Variants in ATP2B1 observed in about 807,000 individuals in gnomAD.
ATP2B1 encodes the protein plasma membrane calcium-transporting ATPase 1.
In ATP2B1, 14 loss-of-function variants were observed where a neutral mutation model predicts 124.2. The observed-to-expected ratio is 0.11, with a 90% CI of 0.07 to 0.18. ATP2B1 has a LOEUF of 0.18. Ranked by LOEUF, ATP2B1 falls within the 10% of genes least tolerant of loss-of-function variation. ATP2B1 has a pLI of 1.00. For synonymous variants in ATP2B1, 449 were observed against 492.4 expected, an observed-to-expected ratio of 0.91 and a Z score of 1.17; for missense variants, 763 against 1,466.1, an observed-to-expected ratio of 0.52 and a Z score of 7.83.
At chr12:89,614,168 A>T (rs1878541189) in intron 12 of ATP2B1, among the ~76,000 whole-genome samples, 1 of 152,220 alleles carries the variant, frequency 6.6e-6, no homozygotes, top group African/African-American at 2.4e-5. Flanking sequence ...GTCAATGTAT[A>T]GAACTTTGAA....
intron 1 of ATP2B1, among the ~76,000 whole-genome samples, chr12:89,685,184 A>C (rs1055611308): frequency 7.8e-6 from 1 of 127,830 alleles, no homozygotes; most frequent in Non-Finnish European, 1.6e-5. Context: ...TGAGGTGATA[A>C]GTAGTCTGGG....
rs762959200 is a variant in ATP2B1, at chr12:89,697,766, T to C, written c.-222+10830A>G. ...TATCAGCAGTCCTCTTAGTCCCCCA[T>C]CCCATTTTCTACTCTGAAGCAACTA... On this transcript the variant is annotated intron_variant, in intron 1 of 20. Transcript: ENST00000428670. Among the ~76,000 whole-genome samples the C allele has an allele frequency of 4.5e-5, 6 of 134,414 alleles. 1 individual carries two copies. Among genetic ancestry groups the C allele is most frequent in the Non-Finnish European group, 4.7e-5 (3 of 63,714 alleles). 88.2% of individuals were successfully genotyped at this position (134,414 alleles called of 152,430 possible).
chr12:89,686,954 A>G (rs1454814981), intron 1 of ATP2B1, among the ~76,000 whole-genome samples: 2 of 151,886 alleles, frequency 1.3e-5, no homozygotes, highest in East Asian at 1.9e-4. Context: ...AATACAGTTG[A>G]CCCTCTCTAT....
intron 1 of ATP2B1, among the ~76,000 whole-genome samples, chr12:89,689,099 T>C (rs1319673345): frequency 6.6e-6 from 1 of 152,114 alleles, no homozygotes; most frequent in Non-Finnish European, 1.5e-5. Context: ...AGATGCTCTT[T>C]AGACGTTGTT....
At chr12:89,644,588 T>C (rs576302197) in intron 2 of ATP2B1, among the ~76,000 whole-genome samples, 51 of 151,686 alleles carry the variant, frequency 3.4e-4, no homozygotes, top group Non-Finnish European at 5.3e-4. Context: ...CAAAGAGCTC[T>C]AATCTTTAAG....
intron 9 of ATP2B1, 147 bp from the exon 10 acceptor site, chr12:89,621,938 ATT>A (rs538339086): frequency 2.9e-4 from 194 of 657,754 alleles, no homozygotes; most frequent in South Asian, 4.9e-4. Flanking sequence ...TAATACTGAA[ATT>A]TTTTTTTTTT....
rs768994640 is a variant in ATP2B1, at chr12:89,616,941, T to C, written c.1928A>G (p.Glu643Gly). The change falls in exon 12 of 21, where the codon GAA (glutamate) becomes GGA (glycine). Residue 643 changes from glutamate to glycine, a missense_variant. By Grantham distance (98) the Glu-to-Gly change is moderately conservative (BLOSUM62 -2). Around this residue, in one of 7 missense-constraint regions of ATP2B1, gnomAD observed 392 missense variants for 776.6 expected, o/e 0.50. Transcript: ENST00000428670. ...TGCAAGACATATGGTTCTCAAGCCTTCTGATGCCATCGGTTCAATCACAGT... is the reference window on the plus strand; with the variant it reads ...TGCAAGACATATGGTTCTCAAGCCTCCTGATGCCATCGGTTCAATCACAGT... Reference protein sequence around the residue: ...VKTVIEPMASEGLRTICLAFR... With the variant: ...VKTVIEPMASGGLRTICLAFR... 6.2e-7 allele frequency: 1 copy of C among 1,614,134 alleles called. No individual in the cohort carries two copies. The highest frequency in any genetic ancestry group is 1.7e-5 in the Admixed American group (1 of 60,012).
rs1461216851 is a variant in ATP2B1, at chr12:89,677,971, T to TATACAC, written c.-221-21865_-221-21864insGTGTAT. 1.3e-3 allele frequency among the ~76,000 whole-genome samples: 66 copies of TATACAC among 52,310 alleles called. 1 individual carries two copies. Among genetic ancestry groups the TATACAC allele is most frequent in the African/African-American group, 3.8e-3 (55 of 14,296 alleles). 34.3% of individuals were successfully genotyped at this position (52,310 alleles called of 152,430 possible). A position where few individuals can be genotyped will look rare whatever the true frequency, so the allele number is the denominator to read the frequency against. ...TGCAGGAATTATATATATATATATA[T>TATACAC]ACACACACACACACACACACACACA... On this transcript the variant is annotated intron_variant, in intron 1 of 20. Transcript: ENST00000428670.
chr12:89,693,281 T>C (rs987782506), intron 1 of ATP2B1, among the ~76,000 whole-genome samples: 2 of 152,094 alleles, frequency 1.3e-5, no homozygotes, highest in African/African-American at 4.8e-5. Flanking sequence ...AATGAAAAGG[T>C]TGGGCATGTC....
chr12:89,660,737 C>A (rs1886604158), intron 1 of ATP2B1, among the ~76,000 whole-genome samples: 1 of 152,108 alleles, frequency 6.6e-6, no homozygotes, highest in South Asian at 2.1e-4. Flanking sequence ...ATGACAAATA[C>A]ATTTTAGCTA....
intron 2 of ATP2B1, among the ~76,000 whole-genome samples, chr12:89,649,560 C>T (rs1884970355): frequency 6.6e-6 from 1 of 152,130 alleles, no homozygotes; most frequent in Non-Finnish European, 1.5e-5. Flanking sequence ...CTCACAGGCT[C>T]ATAAATGGAA....
intron 1 of ATP2B1, among the ~76,000 whole-genome samples, chr12:89,695,149 C>G (rs138877201): frequency 6.6e-6 from 1 of 151,806 alleles, no homozygotes; most frequent in African/African-American, 2.4e-5. Flanking sequence ...TTCTAGAACG[C>G]TTTTCTTCTT....
intron 9 of ATP2B1, among the ~76,000 whole-genome samples, chr12:89,623,620 G>A (rs776648060): frequency 1.2e-4 from 19 of 152,146 alleles, no homozygotes; most frequent in Admixed American, 6.5e-4. Flanking sequence ...TCTGAAGTAA[G>A]AATACAGTTG....
chr12:89,703,287 G>C lies in ATP2B1; in HGVS notation c.-222+5309C>G, dbSNP rs529732647. On this transcript the variant is annotated intron_variant, in intron 1 of 20. Coordinates refer to ENST00000428670, the MANE Select transcript of ATP2B1 (RefSeq NM_001366521.1). ...GGTATTAGATAAAATAGTTCCAAAA[G>C]TCAGAGTAGATTGGTGAACTACACA... 1.3e-3 allele frequency among the ~76,000 whole-genome samples: 193 copies of C among 152,314 alleles called. 1 individual carries two copies. The highest frequency in any genetic ancestry group is 4.4e-3 in the African/African-American group (184 of 41,580).
chr12:89,623,889 C>G (rs1394905476), intron 9 of ATP2B1, among the ~76,000 whole-genome samples: 2 of 152,098 alleles, frequency 1.3e-5, no homozygotes, highest in Non-Finnish European at 2.9e-5. Flanking sequence ...GAGGAGGTGA[C>G]ATGACTTGAC....
In ATP2B1 at chr12:89,603,288, T is replaced by C. The variant is rs763543000; in HGVS notation, c.2849-34A>G. On this transcript the variant is annotated intron_variant, in intron 17 of 20. Coordinates refer to ENST00000428670, the MANE Select transcript of ATP2B1 (RefSeq NM_001366521.1). The surrounding 1 kb of genome is among the most constrained non-coding windows in gnomAD (Gnocchi z 4.3). ...ATGAAAAATGACTATTTTGTAATTATCATACCAAATTAGATTTCAAGGAGG... is the reference window on the plus strand; with the variant it reads ...ATGAAAAATGACTATTTTGTAATTACCATACCAAATTAGATTTCAAGGAGG... 7 of 1,489,076 alleles carry C rather than the reference T, an allele frequency of 4.7e-6. No individual in the cohort carries two copies. Among genetic ancestry groups the C allele is most frequent in the Non-Finnish European group, 6.4e-6 (7 of 1,099,810 alleles). The allele number at this position is 1,489,076 out of a possible 1,614,324, so 92.2% of individuals were successfully genotyped here.
intron 1 of ATP2B1, among the ~76,000 whole-genome samples, chr12:89,659,773 AT>A (rs1886454127): frequency 6.6e-6 from 1 of 151,974 alleles, no homozygotes; most frequent in Non-Finnish European, 1.5e-5. Context: ...AATACAAAAA[AT>A]TAGCTGGGTC....
chr12:89,644,917 ACGTAT>A (rs1276848841), intron 2 of ATP2B1, among the ~76,000 whole-genome samples: 1 of 152,202 alleles, frequency 6.6e-6, no homozygotes, highest in Non-Finnish European at 1.5e-5. Context: ...TAGCTTTAAA[ACGTAT>A]CTTGGAGAGT....
intron 1 of ATP2B1, among the ~76,000 whole-genome samples, chr12:89,668,813 AT>A (rs1445403411): frequency 1.3e-5 from 2 of 152,164 alleles, no homozygotes; most frequent in East Asian, 3.9e-4. Flanking sequence ...ATTTGTTCCA[AT>A]ATAGCTCTTA....
Sources: gnomAD v4.1 joint callset for allele counts (sites outside exome capture counted in the v4.1 genomes callset) on GRCh38, gnomAD v4.1.1 for gene constraint, gnomAD v4.1.1 regional missense constraint, Gnocchi (gnomAD v3.1) non-coding constraint, MANE v1.5 for transcripts, NCBI Gene and HGNC (gene_info 2026-07-23, HGNC 2026-07-21) for gene names.